The following CCSER1 variants were observed in gnomAD, a reference collection of about 807,000 sequenced individuals.
The protein encoded by CCSER1 is serine-rich coiled-coil domain-containing protein 1.
CCSER1 carries 41 observed loss-of-function variants against 82.0 expected under a neutral mutation model. That is an observed-to-expected ratio of 0.50 (90% CI 0.39 to 0.65). CCSER1 has a LOEUF of 0.65. Ranked by LOEUF, CCSER1 falls within the 30% of genes least tolerant of loss-of-function variation. The probability of loss-of-function intolerance (pLI) is 0.00; values close to 1 mark genes in which losing one functional copy is unlikely to be tolerated. For synonymous variants in CCSER1, 414 were observed against 383.9 expected, an observed-to-expected ratio of 1.08 and a Z score of -0.92; for missense variants, 1,119 against 1,064.2, an observed-to-expected ratio of 1.05 and a Z score of -0.72.
chr4:90,742,824 A>G (rs1746767790), intron 7 of CCSER1, among the ~76,000 whole-genome samples: 1 of 152,080 alleles, frequency 6.6e-6, no homozygotes, highest in South Asian at 2.1e-4. Context: ...TTATGTTGTT[A>G]TTTTTTGTTT....
chr4:90,664,125 C>G (rs895158689), intron 6 of CCSER1, among the ~76,000 whole-genome samples: 1 of 152,018 alleles, frequency 6.6e-6, no homozygotes, highest in Non-Finnish European at 1.5e-5. Flanking sequence ...TTTTAAGAGT[C>G]AAAGGATTAA....
intron 10 of CCSER1, among the ~76,000 whole-genome samples, chr4:91,263,388 T>C (rs1344044354): frequency 6.6e-6 from 1 of 152,044 alleles, no homozygotes; most frequent in Non-Finnish European, 1.5e-5. Context: ...AACATTCAAG[T>C]TTATTCATTT....
intron 6 of CCSER1, among the ~76,000 whole-genome samples, chr4:90,646,243 A>G (rs1385138434): frequency 6.6e-6 from 1 of 152,104 alleles, no homozygotes; most frequent in Admixed American, 6.6e-5. Context: ...CATACTATAT[A>G]GTAATTTGTG....
chr4:91,228,396 A>G (rs1191983963), intron 10 of CCSER1, among the ~76,000 whole-genome samples: 1 of 152,038 alleles, frequency 6.6e-6, no homozygotes, highest in Non-Finnish European at 1.5e-5. Flanking sequence ...AAATTTAAAT[A>G]TAATTTTCAA....
At chr4:91,545,463 C>T (rs1761840324) in intron 10 of CCSER1, among the ~76,000 whole-genome samples, 1 of 152,086 alleles carries the variant, frequency 6.6e-6, no homozygotes. Flanking sequence ...AACCTCCCTC[C>T]ATTCACTACA....
rs1764893481 is a variant in CCSER1 at position 91,603,951 on chromosome 4, C to T, written c.*4894C>T. 1.3e-5 allele frequency: 2 copies of T among 151,934 alleles called. No individual in the cohort carries two copies. Among genetic ancestry groups the T allele is most frequent in the South Asian group, 4.1e-4 (2 of 4,826 alleles). The allele number at this position is 151,934 out of a possible 1,614,324, so 9.4% of individuals were successfully genotyped here. ...AATCTCATCTAAACCTAATTACTTC[C>T]CAAGCGCCCCAACTTCAAGCACCAT... On this transcript the variant is annotated 3_prime_UTR_variant, in exon 11 of 11. Coordinates refer to ENST00000509176, the MANE Select transcript of CCSER1 (RefSeq NM_001145065.2).
chr4:90,199,633 A>G (rs777826244), intron 1 of CCSER1, among the ~76,000 whole-genome samples: 14 of 152,178 alleles, frequency 9.2e-5, no homozygotes, highest in Non-Finnish European at 1.3e-4. Context: ...GAAAAAAAAT[A>G]TGTATGGAGA....
chr4:90,963,951 G>A (rs1266969365), intron 9 of CCSER1, among the ~76,000 whole-genome samples: 3 of 152,174 alleles, frequency 2.0e-5, no homozygotes, highest in East Asian at 1.9e-4. Flanking sequence ...AAGAATTTCT[G>A]GGGTAGAAAA....
chr4:90,362,870 G>A (rs551006936), intron 3 of CCSER1, among the ~76,000 whole-genome samples: 1 of 152,196 alleles, frequency 6.6e-6, no homozygotes, highest in African/African-American at 2.4e-5. Flanking sequence ...TTCATACAAG[G>A]GATGCCTTTC....
At chr4:90,491,970 C>T (rs945704805) in intron 5 of CCSER1, among the ~76,000 whole-genome samples, 1 of 152,000 alleles carries the variant, frequency 6.6e-6, no homozygotes, top group African/African-American at 2.4e-5. Context: ...ATATTGGTCT[C>T]AAATTCTCTT....
chr4:90,464,223 T>C (rs970076371), intron 4 of CCSER1, among the ~76,000 whole-genome samples: 1 of 152,224 alleles, frequency 6.6e-6, no homozygotes, highest in Admixed American at 6.5e-5. Flanking sequence ...GACTGAGTGG[T>C]CCCTGGAAGG....
intron 1 of CCSER1, among the ~76,000 whole-genome samples, chr4:90,288,582 T>G (rs1730342220): frequency 6.6e-6 from 1 of 151,954 alleles, no homozygotes; most frequent in African/African-American, 2.4e-5. Context: ...TGTTTCCTGT[T>G]TTTGAATTAT....
chr4:90,985,906 C>T (rs1736543496), intron 9 of CCSER1, among the ~76,000 whole-genome samples: 1 of 151,714 alleles, frequency 6.6e-6, no homozygotes, highest in Admixed American at 6.6e-5. Flanking sequence ...TTAACTAATA[C>T]ATTCAGTGTA....
intron 6 of CCSER1, chr4:90,641,971 C>T (rs756110859): frequency 1.2e-5 from 4 of 340,592 alleles, no homozygotes. Context: ...TAATGTTTCA[C>T]TTGTAAAACA....
At chr4:91,547,121 T>A (rs1412886012) in intron 10 of CCSER1, among the ~76,000 whole-genome samples, 2 of 152,136 alleles carry the variant, frequency 1.3e-5, no homozygotes, top group Non-Finnish European at 1.5e-5. Context: ...ATTTATATTA[T>A]TTTTAATTTG....
intron 1 of CCSER1, among the ~76,000 whole-genome samples, chr4:90,204,070 C>G (rs1738295905): frequency 6.6e-6 from 1 of 151,962 alleles, no homozygotes; most frequent in African/African-American, 2.4e-5. Context: ...TGTTTAAGTT[C>G]CTTATAAATT....
chr4:90,462,619 C>T (rs1156349197), intron 4 of CCSER1, among the ~76,000 whole-genome samples: 1 of 152,034 alleles, frequency 6.6e-6, no homozygotes, highest in Non-Finnish European at 1.5e-5. Flanking sequence ...ACCTGTAGTC[C>T]CAGCTACTCA....
chr4:91,427,766 T>A (rs1335146018), intron 10 of CCSER1, among the ~76,000 whole-genome samples: 1 of 152,146 alleles, frequency 6.6e-6, no homozygotes, highest in African/African-American at 2.4e-5. Flanking sequence ...CAATTGCAAA[T>A]GACTGTTTGT....
chr4:91,589,214 T>C (rs1013231827), intron 10 of CCSER1, among the ~76,000 whole-genome samples: 1 of 151,824 alleles, frequency 6.6e-6, no homozygotes, highest in African/African-American at 2.4e-5. Flanking sequence ...TACGTTACTT[T>C]TAGAAGTTTC....
Sources: gnomAD v4.1 joint callset for allele counts (sites outside exome capture counted in the v4.1 genomes callset) on GRCh38, gnomAD v4.1.1 for gene constraint, MANE v1.5 for transcripts, NCBI Gene and HGNC (gene_info 2026-07-23, HGNC 2026-07-21) for gene names.